RPF2: variants seen among roughly 807,000 people sequenced by gnomAD.
The protein encoded by RPF2 is ribosome production factor 2 homolog, also known as brix domain containing 1.
A neutral mutation model predicts 38.9 loss-of-function variants in RPF2; 21 were observed. That is an observed-to-expected ratio of 0.54 (90% confidence interval 0.38 to 0.78). RPF2 has a LOEUF of 0.78. Among genes scored for constraint, RPF2 ranks in the 30% least tolerant of loss-of-function variants. The pLI is 0.00. For missense variants in RPF2, 314 were observed against 358.1 expected, an observed-to-expected ratio of 0.88 and a Z score of 0.99; for synonymous variants, 121 against 126.2, an observed-to-expected ratio of 0.96 and a Z score of 0.28.
chr6:111,016,441 A>G (rs937606149), intron 8 of RPF2, among the ~76,000 whole-genome samples: 1 of 152,108 alleles, frequency 6.6e-6, no homozygotes, highest in African/African-American at 2.4e-5. Context: ...AAAAAAAACC[A>G]GAAAAATTAG....
intron 6 of RPF2, among the ~76,000 whole-genome samples, chr6:111,002,343 C>G (rs1771823893): frequency 6.6e-6 from 1 of 152,032 alleles, no homozygotes; most frequent in African/African-American, 2.4e-5. Context: ...GGTCTCATTT[C>G]TTTTTTTGTT....
intron 1 of RPF2, among the ~76,000 whole-genome samples, chr6:110,984,230 A>T (rs1378565505): frequency 1.3e-5 from 2 of 152,130 alleles, no homozygotes; most frequent in Admixed American, 1.3e-4. Flanking sequence ...CTAAAAGAAA[A>T]ATAAGCAGTC....
chr6:111,014,000 A>ATATG (rs1257610466), intron 7 of RPF2, among the ~76,000 whole-genome samples: 2 of 151,704 alleles, frequency 1.3e-5, no homozygotes, highest in African/African-American at 4.8e-5. Context: ...TATATGTAGT[A>ATATG]TATGTACTTT....
intron 7 of RPF2, among the ~76,000 whole-genome samples, chr6:111,010,547 C>T (rs12200141): frequency 0.076 from 11,498 of 152,250 alleles, 483 homozygotes; most frequent in Middle Eastern, 0.14. Context: ...CCTTTATGGT[C>T]CTATTTCACC....
intron 7 of RPF2, 130 bp downstream of exon 7, chr6:111,008,267 C>G (rs1771951942): frequency 1.9e-6 from 2 of 1,032,840 alleles, no homozygotes; most frequent in Non-Finnish European, 2.5e-6. Context: ...TATTTATATA[C>G]TTAAAATAAT....
chr6:110,994,136 C>T (rs1771666538), intron 4 of RPF2, among the ~76,000 whole-genome samples: 1 of 151,982 alleles, frequency 6.6e-6, no homozygotes, highest in South Asian at 2.1e-4. Context: ...ATTAGCCAGG[C>T]GTGGTGGCAC....
At chr6:111,012,506 G>T (rs9320352) in intron 7 of RPF2, among the ~76,000 whole-genome samples, 19,599 of 151,834 alleles carry the variant, frequency 0.13, 1,755 homozygotes, top group East Asian at 0.5. Context: ...ATATATGGTT[G>T]TTTAAAAAAA....
At chr6:110,996,807 G>A (rs1351792905) in intron 4 of RPF2, among the ~76,000 whole-genome samples, 2 of 151,944 alleles carry the variant, frequency 1.3e-5, no homozygotes, top group Non-Finnish European at 2.9e-5. Flanking sequence ...GTTTCGTTTT[G>A]TTTTGTTTTT....
chr6:110,982,250 G>A, intron 1 of RPF2, 121 bp downstream of exon 1: 2 of 1,139,368 alleles, frequency 1.8e-6, no homozygotes, highest in Non-Finnish European at 2.6e-6. Flanking sequence ...GGTGGGGGCC[G>A]ATCGATCACC....
Position 111,022,814 on chromosome 6 carries a change from G to A in RPF2, c.597-1369G>A, listed in dbSNP as rs528101300. 1.3e-5 allele frequency among the ~76,000 whole-genome samples: 2 copies of A among 152,304 alleles called. 1 individual carries two copies. Among genetic ancestry groups the A allele is most frequent in the South Asian group, 4.2e-4 (2 of 4,818 alleles). On this transcript the variant is annotated intron_variant, in intron 8 of 9. Transcript: ENST00000441448. The stretch of plus-strand genomic sequence containing the variant: ...GCCATGAGCTGTTTTGAATTGACAA[G>A]TTTTCTAACTAGCTGAAAATTAGCA...
chr6:110,985,466 G>C (rs905390261), intron 2 of RPF2, among the ~76,000 whole-genome samples: 1 of 151,680 alleles, frequency 6.6e-6, no homozygotes, highest in Non-Finnish European at 1.5e-5. Context: ...TTTGTAAAGA[G>C]AAGTAACTGC....
chr6:111,019,630 G>C (rs931804377), intron 8 of RPF2, among the ~76,000 whole-genome samples: 1 of 151,968 alleles, frequency 6.6e-6, no homozygotes, highest in African/African-American at 2.4e-5. Flanking sequence ...CTAGCTACTC[G>C]GGAGGCTGAG....
rs1772308995 is a variant in RPF2 at position 111,025,501 on chromosome 6, A to G, written c.840A>G (p.Lys280=). The change falls in exon 10 of 10, where the codon AAA becomes AAG. Residue 280 remains lysine, a synonymous_variant. Transcript: ENST00000441448. Reference sequence around the variant, plus strand: ...ACCTAAGCAAACTACAAACCAGGAAAATGAAGGGGTTGAAGAAGCGACCTG... The same window carrying G: ...ACCTAAGCAAACTACAAACCAGGAAGATGAAGGGGTTGAAGAAGCGACCTG... The part of the protein sequence containing the change: ...KQDLSKLQTR[K]MKGLKKRPAE... The G allele has an allele frequency of 6.2e-7, 1 of 1,613,818 alleles. No individual in the cohort carries two copies. Among genetic ancestry groups the G allele is most frequent in the Non-Finnish European group, 8.5e-7 (1 of 1,179,932 alleles).
chr6:111,023,642 A>C (rs186780907), intron 8 of RPF2, among the ~76,000 whole-genome samples: 1 of 152,222 alleles, frequency 6.6e-6, no homozygotes, highest in East Asian at 1.9e-4. Context: ...AGAAAAAAAA[A>C]ATTTTTAATT....
intron 7 of RPF2, among the ~76,000 whole-genome samples, chr6:111,009,743 G>A (rs927335241): frequency 6.6e-6 from 1 of 151,940 alleles, no homozygotes; most frequent in Non-Finnish European, 1.5e-5. Flanking sequence ...GCTCAATCAT[G>A]GCTCATTGCA....
chr6:111,001,797 C>G (rs183052552), intron 6 of RPF2, among the ~76,000 whole-genome samples: 8 of 152,334 alleles, frequency 5.3e-5, no homozygotes, highest in Non-Finnish European at 1.0e-4. Flanking sequence ...TCCAGTCCCT[C>G]TACTCTTTCC....
chr6:110,998,838 A>G (rs1436613334), intron 5 of RPF2, among the ~76,000 whole-genome samples: 1 of 151,946 alleles, frequency 6.6e-6, no homozygotes, highest in Non-Finnish European at 1.5e-5. Flanking sequence ...CTAGTTACAC[A>G]GGAGGCTAAG....
At chr6:110,982,231 A>C (rs1771444577) in intron 1 of RPF2, 102 bp downstream of exon 1, 4 of 1,345,186 alleles carry the variant, frequency 3.0e-6, no homozygotes, top group Non-Finnish European at 2.1e-6. Context: ...TTACCCCTCT[A>C]ATTACCTGGG....
intron 5 of RPF2, 143 bp downstream of exon 5, chr6:110,997,407 T>G (rs1314583258): frequency 3.3e-6 from 2 of 601,540 alleles, no homozygotes; most frequent in Admixed American, 2.9e-5. Context: ...AGTAAGAGAC[T>G]GAGGGAAGTA....
Sources: gnomAD v4.1 joint callset for allele counts (sites outside exome capture counted in the v4.1 genomes callset) on GRCh38, gnomAD v4.1.1 for gene constraint, MANE v1.5 for transcripts, NCBI Gene and HGNC (gene_info 2026-07-23, HGNC 2026-07-21) for gene names.